Variants in CEP55 observed in about 807,000 individuals in gnomAD.
CEP55 encodes the protein centrosomal protein 55.
Under a neutral mutation model 63.2 loss-of-function variants are expected in CEP55, and 57 were observed. The observed-to-expected ratio is 0.90, with a 90% CI of 0.73 to 1.13. The LOEUF (loss-of-function observed/expected upper bound fraction) is 1.13. Among genes scored for constraint, CEP55 ranks in the 50% most tolerant of loss-of-function variants. The pLI is 0.00. For missense variants in CEP55, 456 were observed against 518.9 expected (o/e 0.88, Z 1.18); for synonymous variants, 178 against 191.6 (o/e 0.93, Z 0.59).
chr10:93,519,599 C>G (rs1278503721), intron 7 of CEP55, 83 bp from the exon 8 acceptor site: 3 of 1,427,434 alleles, frequency 2.1e-6, no homozygotes, highest in Non-Finnish European at 2.9e-6. Flanking sequence ...TCTTCATGTG[C>G]TAATAAAAAA....
intron 2 of CEP55, 86 bp from the exon 3 acceptor site, chr10:93,503,023 AATGC>A (rs2057649583): frequency 1.6e-6 from 2 of 1,227,154 alleles, no homozygotes. Context: ...CTTGATAATA[AATGC>A]TTCATAAATG....
At chr10:93,502,669 C>T (rs1357989402) in intron 2 of CEP55, among the ~76,000 whole-genome samples, 1 of 152,148 alleles carries the variant, frequency 6.6e-6, no homozygotes, top group Non-Finnish European at 1.5e-5. Flanking sequence ...CCCTCTCCTG[C>T]TGAAATATTC....
chr10:93,513,892 A>G (rs983980917), intron 4 of CEP55, among the ~76,000 whole-genome samples: 3 of 150,452 alleles, frequency 2.0e-5, no homozygotes, highest in Admixed American at 1.3e-4. Context: ...TTTAGGGCTC[A>G]CCCTACTCCA....
At chr10:93,505,651 T>G (rs573802336) in intron 3 of CEP55, among the ~76,000 whole-genome samples, 1 of 152,284 alleles carries the variant, frequency 6.6e-6, no homozygotes, top group Non-Finnish European at 1.5e-5. Context: ...GAAAAATAAT[T>G]TTTTTGAGCT....
chr10:93,509,548 C>T (rs1036502692), intron 4 of CEP55, among the ~76,000 whole-genome samples: 3 of 151,950 alleles, frequency 2.0e-5, no homozygotes, highest in South Asian at 2.1e-4. Flanking sequence ...TGCAGTGGCG[C>T]GATCTTGGCT....
chr10:93,503,410 C>G lies in CEP55; in HGVS notation c.459+22C>G. On this transcript the variant is annotated intron_variant, in intron 3 of 8. Transcript: ENST00000371485. ...ACAGGTGCTAATCATTTCTTTAAAC[C>G]CAGATTTTTTTTTTCTTTCTGATAC... The G allele has an allele frequency of 1.3e-6, 2 of 1,583,804 alleles. 1 individual carries two copies. Among genetic ancestry groups the G allele is most frequent in the Non-Finnish European group, 1.7e-6 (2 of 1,166,212 alleles).
In CEP55 at chr10:93,508,542, A is replaced by G. The variant is rs115312603; in HGVS notation, c.528+1486A>G. ...TTATTACACTGAAGTTTGTTATTCT[A>G]TGTATATCCATACCTATGCATTAGA... On this transcript the variant is annotated intron_variant, in intron 4 of 8. Coordinates refer to ENST00000371485, the MANE Select transcript of CEP55 (RefSeq NM_018131.5). Among the ~76,000 whole-genome samples, 1,387 of 152,342 alleles carry G rather than the reference A, an allele frequency of 9.1e-3. 30 individuals carry two copies. The highest frequency in any genetic ancestry group is 0.032 in the African/African-American group (1,324 of 41,570).
chr10:93,523,853 A>G (rs1294093427), intron 8 of CEP55, among the ~76,000 whole-genome samples: 2 of 152,176 alleles, frequency 1.3e-5, no homozygotes, highest in African/African-American at 4.8e-5. Context: ...GGTACATAAC[A>G]AAATGAAGGC....
chr10:93,517,359 C>A, intron 6 of CEP55, 111 bp downstream of exon 6: 1 of 760,660 alleles, frequency 1.3e-6, no homozygotes, highest in Non-Finnish European at 2.1e-6. Context: ...TCCTGCCCCT[C>A]ATGGGAGTTA....
At chr10:93,506,812 G>T (rs2057693675) in intron 3 of CEP55, among the ~76,000 whole-genome samples, 176 bp from the exon 4 acceptor site, 1 of 152,162 alleles carries the variant, frequency 6.6e-6, no homozygotes, top group Non-Finnish European at 1.5e-5. Flanking sequence ...GACCTCAAAT[G>T]ATCCACCCTC....
chr10:93,508,549 T>C (rs939635177), intron 4 of CEP55, among the ~76,000 whole-genome samples: 1 of 152,230 alleles, frequency 6.6e-6, no homozygotes, highest in African/African-American at 2.4e-5. Context: ...TCTATGTATA[T>C]CCATACCTAT....
At chr10:93,527,691 A>AT (rs2057938032) in intron 8 of CEP55, among the ~76,000 whole-genome samples, 1 of 151,690 alleles carries the variant, frequency 6.6e-6, no homozygotes, top group Admixed American at 6.6e-5. Flanking sequence ...CATAGAATTA[A>AT]TTTTTTGTAG....
At chr10:93,509,993 G>A (rs750401737) in intron 4 of CEP55, among the ~76,000 whole-genome samples, 9 of 152,070 alleles carry the variant, frequency 5.9e-5, no homozygotes, top group East Asian at 1.9e-4. Context: ...CTCAAAGTTC[G>A]CAGAAACTTC....
At chr10:93,522,158 G>A (rs1281632334) in intron 8 of CEP55, among the ~76,000 whole-genome samples, 3 of 152,168 alleles carry the variant, frequency 2.0e-5, no homozygotes, top group Non-Finnish European at 2.9e-5. Context: ...GAGGAAGTTC[G>A]AACCCGTGGC....
rs1330299079 is a variant in CEP55 at position 93,496,756 on chromosome 10, C to G, written c.-180C>G. ...CAGGACCCGCAGCCCCGGGGCCGGG[C>G]CGGTCCGGACCGCCAGGGAGGGCAG... On this transcript the variant is annotated 5_prime_UTR_variant, in exon 1 of 9. Transcript: ENST00000371485. 6.6e-6 allele frequency: 1 copy of G among 152,284 alleles called. No individual in the cohort carries two copies. Among genetic ancestry groups the G allele is most frequent in the Non-Finnish European group, 1.5e-5 (1 of 68,078 alleles). 9.4% of individuals were successfully genotyped at this position (152,284 alleles called of 1,614,324 possible).
chr10:93,499,165 C>T (rs572168080), intron 1 of CEP55, among the ~76,000 whole-genome samples: 11 of 152,194 alleles, frequency 7.2e-5, no homozygotes, highest in African/African-American at 2.7e-4. Context: ...GCCTGACTCC[C>T]CTGAATGTTA....
intron 4 of CEP55, among the ~76,000 whole-genome samples, chr10:93,509,464 T>C (rs905562505): frequency 1.6e-5 from 1 of 64,268 alleles, no homozygotes; most frequent in Non-Finnish European, 3.0e-5. Context: ...TTGAGAACCA[T>C]TAACATTATT....
chr10:93,523,030 G>C (rs1425951774), intron 8 of CEP55, among the ~76,000 whole-genome samples: 1 of 152,106 alleles, frequency 6.6e-6, no homozygotes, highest in African/African-American at 2.4e-5. Flanking sequence ...ACTGCATCAA[G>C]TAAAGAGCAA....
chr10:93,523,055 A>T (rs1422797536), intron 8 of CEP55, among the ~76,000 whole-genome samples: 3 of 152,186 alleles, frequency 2.0e-5, no homozygotes, highest in Non-Finnish European at 4.4e-5. Flanking sequence ...ACCAGCTAAC[A>T]TCATAATGAC....
Sources: allele counts gnomAD v4.1 joint callset (sites outside exome capture counted in the v4.1 genomes callset), GRCh38; gene constraint gnomAD v4.1.1; transcripts MANE v1.5; gene names NCBI Gene and HGNC (gene_info 2026-07-23, HGNC 2026-07-21).